Variants in CACNA1E observed in about 807,000 individuals in gnomAD.
The protein encoded by CACNA1E is voltage-dependent R-type calcium channel subunit alpha-1E.
A neutral mutation model predicts 259.2 loss-of-function variants in CACNA1E; 40 were observed. That is an observed-to-expected ratio of 0.15 (90% CI 0.12 to 0.20). The LOEUF (loss-of-function observed/expected upper bound fraction) is 0.20, where lower values mean the gene tolerates loss of function less well. Among genes scored for constraint, CACNA1E ranks in the 10% least tolerant of loss-of-function variants. The pLI is 1.00. For missense variants in CACNA1E, 1,874 were observed against 3,040.1 expected (o/e 0.62, Z 9.02); for synonymous variants, 1,104 against 1,138.5 (o/e 0.97, Z 0.61).
intron 6 of CACNA1E, among the ~76,000 whole-genome samples, chr1:181,634,625 G>A (rs1461383101): frequency 6.6e-6 from 1 of 152,172 alleles, no homozygotes; most frequent in African/African-American, 2.4e-5. Flanking sequence ...TCCTCTTGCA[G>A]TCCCCATCTT....
rs1558419980 is a variant in CACNA1E, at chr1:181,805,362, AC to A, written c.*6529del. On this transcript the variant is annotated 3_prime_UTR_variant, in exon 48 of 48. Coordinates refer to ENST00000367573, the MANE Select transcript of CACNA1E (RefSeq NM_001205293.3). ...CCACCACTTAAAGCAAATCTGTTGA[AC>A]ATTTTTATAAGGGATGAGCAAGAAA... 1 of 152,260 alleles carries A rather than the reference AC, an allele frequency of 6.6e-6. No homozygotes were observed. Among genetic ancestry groups the A allele is most frequent in the Non-Finnish European group, 1.5e-5 (1 of 68,044 alleles). The allele number at this position is 152,260 out of a possible 1,614,324, so 9.4% of individuals were successfully genotyped here.
intron 2 of CACNA1E, among the ~76,000 whole-genome samples, chr1:181,426,085 C>G (rs932027201): frequency 3.3e-5 from 5 of 152,096 alleles, no homozygotes; most frequent in African/African-American, 1.2e-4. Context: ...GTGGTCAGTT[C>G]TGGGGACAGT....
rs1572687818 is a variant in CACNA1E, at chr1:181,717,011, G to A, written c.1316-82G>A. On this transcript the variant is annotated intron_variant, in intron 10 of 47. Coordinates refer to ENST00000367573, the MANE Select transcript of CACNA1E (RefSeq NM_001205293.3). ...GTCACCTTGCCCTGGGACTAGAGCA[G>A]CCCATCTTGCCCTTCGAATGCTCCC... The A allele has an allele frequency of 6.2e-6, 7 of 1,138,042 alleles. No homozygotes were observed. The East Asian group carries it at 1.7e-4, about 27-fold the overall frequency. The allele number at this position is 1,138,042 out of a possible 1,614,324, so 70.5% of individuals were successfully genotyped here.
chr1:181,718,641 CA>C (rs1654137575), intron 12 of CACNA1E, among the ~76,000 whole-genome samples: 3 of 151,392 alleles, frequency 2.0e-5, no homozygotes, highest in Admixed American at 2.0e-4. Context: ...CACACACACA[CA>C]CACACACACA....
rs146331322 is a variant in CACNA1E at position 181,624,977 on chromosome 1, T to C, written c.952-26361T>C. The stretch of plus-strand genomic sequence containing the variant: ...TGTGTTATCAGGCATGAAAACAACA[T>C]TAATTTCCTTGTGCATGTTCATGAG... On this transcript the variant is annotated intron_variant, in intron 6 of 47. Transcript: ENST00000367573. 9.0e-4 allele frequency among the ~76,000 whole-genome samples: 137 copies of C among 152,062 alleles called. 1 individual carries two copies. Among genetic ancestry groups the C allele is most frequent in the African/African-American group, 3.2e-3 (131 of 41,522 alleles).
intron 1 of CACNA1E, among the ~76,000 whole-genome samples, chr1:181,329,446 C>T (rs1327448029): frequency 6.6e-6 from 1 of 152,130 alleles, no homozygotes; most frequent in African/African-American, 2.4e-5. Flanking sequence ...TGCTCCAGCC[C>T]CTACCCCACC....
chr1:181,645,253 G>A (rs551082337), intron 6 of CACNA1E, among the ~76,000 whole-genome samples: 21 of 152,252 alleles, frequency 1.4e-4, no homozygotes, highest in African/African-American at 5.1e-4. Flanking sequence ...GTGTGCCTAG[G>A]AAGGGACGTG....
intron 11 of CACNA1E, 138 bp downstream of exon 11, chr1:181,717,440 C>A (rs1391917090): frequency 2.3e-5 from 16 of 684,798 alleles, no homozygotes; most frequent in Non-Finnish European, 4.2e-5. Flanking sequence ...GCCACATCGT[C>A]CTCAAGGGGG....
At chr1:181,657,391 A>G (rs1249914313) in intron 7 of CACNA1E, among the ~76,000 whole-genome samples, 6 of 152,260 alleles carry the variant, frequency 3.9e-5, no homozygotes, top group Middle Eastern at 3.4e-3. Context: ...GTTTTTAAGT[A>G]TAATATTTAG....
chr1:181,669,631 G>C (rs1000413273), intron 7 of CACNA1E, among the ~76,000 whole-genome samples: 3 of 152,178 alleles, frequency 2.0e-5, no homozygotes, highest in African/African-American at 7.2e-5. Flanking sequence ...CTTTTCCCCA[G>C]CATTTAGCAA....
intron 37 of CACNA1E, 116 bp downstream of exon 37, chr1:181,772,347 C>A: frequency 1.0e-6 from 1 of 973,280 alleles, no homozygotes; most frequent in Non-Finnish European, 1.6e-6. Context: ...CCCTCCCCTC[C>A]TCTCTCCACA....
At position 181,720,197 on chromosome 1, in the gene CACNA1E, G is replaced by A. The variant is rs1247496142; in HGVS notation, c.1752-9G>A. The A allele has an allele frequency of 6.2e-7, 1 of 1,613,954 alleles. No individual in the cohort carries two copies. On this transcript the variant is annotated splice_polypyrimidine_tract_variant and intron_variant, in intron 13 of 47. Transcript: ENST00000367573. ...TGTTCACAGCTGTCACATTGTCTGG[G>A]TTTTGTAGGTATTGGGCTTCCCTAC...
chr1:181,589,178 A>G (rs1214009821), intron 6 of CACNA1E, among the ~76,000 whole-genome samples: 1 of 152,228 alleles, frequency 6.6e-6, no homozygotes, highest in East Asian at 1.9e-4. Flanking sequence ...GCAAGCTCCC[A>G]TGTGATTCTG....
intron 7 of CACNA1E, among the ~76,000 whole-genome samples, chr1:181,665,815 A>G: frequency 6.6e-6 from 1 of 152,194 alleles, no homozygotes; most frequent in Admixed American, 6.5e-5. Flanking sequence ...CCTGGATTTA[A>G]TGTTCCAGTC....
chr1:181,566,346 G>C (rs1649820923), intron 3 of CACNA1E, among the ~76,000 whole-genome samples: 1 of 152,152 alleles, frequency 6.6e-6, no homozygotes, highest in South Asian at 2.1e-4. Context: ...GTATGGAACA[G>C]GGCTATATAA....
intron 2 of CACNA1E, among the ~76,000 whole-genome samples, chr1:181,415,781 G>A (rs765317373): frequency 1.3e-5 from 2 of 152,090 alleles, no homozygotes; most frequent in African/African-American, 4.8e-5. Flanking sequence ...CAACACTCAC[G>A]GCCTCATCAT....
chr1:181,789,887 C>T (rs2102866314), intron 43 of CACNA1E, among the ~76,000 whole-genome samples: 1 of 152,348 alleles, frequency 6.6e-6, no homozygotes, highest in South Asian at 2.1e-4. Flanking sequence ...TTCAACTCCT[C>T]ACCACCACCT....
At chr1:181,346,731 G>A (rs570594238) in intron 1 of CACNA1E, among the ~76,000 whole-genome samples, 1 of 152,224 alleles carries the variant, frequency 6.6e-6, no homozygotes, top group South Asian at 2.1e-4. Flanking sequence ...CATGCAAAGG[G>A]CTGGATCTTT....
intron 2 of CACNA1E, among the ~76,000 whole-genome samples, chr1:181,477,672 A>T (rs926022570): frequency 2.0e-5 from 3 of 152,008 alleles, no homozygotes; most frequent in Non-Finnish European, 4.4e-5. Flanking sequence ...CGCACAACAG[A>T]GTGTGTTCAT....
Sources: gnomAD v4.1 joint callset for allele counts (sites outside exome capture counted in the v4.1 genomes callset) on GRCh38, gnomAD v4.1.1 for gene constraint, MANE v1.5 for transcripts, NCBI Gene and HGNC (gene_info 2026-07-23, HGNC 2026-07-21) for gene names.